Variants in AGAP1 observed in about 807,000 individuals in gnomAD.
AGAP1 encodes the protein arf-GAP with GTPase, ANK repeat and PH domain-containing protein 1.
In AGAP1, 29 loss-of-function variants were observed where a neutral mutation model predicts 105.3. The ratio of observed to expected loss-of-function variants is 0.28; its 90% CI spans 0.21 to 0.38. The LOEUF (loss-of-function observed/expected upper bound fraction) is 0.38. AGAP1 is among the 10% of genes least tolerant of loss of function. AGAP1 has a pLI of 1.00. For synonymous variants in AGAP1, 509 were observed against 485.9 expected, an observed-to-expected ratio of 1.05 and a Z score of -0.63; for missense variants, 998 against 1,165.1, an observed-to-expected ratio of 0.86 and a Z score of 2.09.
intron 1 of AGAP1, among the ~76,000 whole-genome samples, chr2:235,573,031 TTCTTCTTCTTCTTCTTCTTCTTC>T (rs1348946312): frequency 0.087 from 3,294 of 38,070 alleles, 368 homozygotes; most frequent in African/African-American, 0.18. Flanking sequence ...CTTCTTCTTC[TTCTTCTTCTTCTTCTTCTTCTTC>T]TTCTTCTTTC....
In AGAP1 at chr2:236,124,808, T is replaced by A. The variant is rs2059978337; in HGVS notation, c.*686T>A. The A allele has an allele frequency of 6.5e-6, 1 of 154,128 alleles. No individual in the cohort carries two copies. Among genetic ancestry groups the A allele is most frequent in the African/African-American group, 2.4e-5 (1 of 41,474 alleles). 9.5% of individuals were successfully genotyped at this position (154,128 alleles called of 1,614,324 possible). A position where few individuals can be genotyped will look rare whatever the true frequency, so the allele number is the denominator to read the frequency against. On this transcript the variant is annotated 3_prime_UTR_variant, in exon 18 of 18. Coordinates refer to ENST00000304032, the MANE Select transcript of AGAP1 (RefSeq NM_001037131.3). The surrounding 1 kb of genome is among the most constrained non-coding windows in gnomAD (Gnocchi z 5.1). ...CGGCACGCGCCGGTGATTGCCACGATGTGATTGCAATACTCTTAGAAGCAC... is the reference window on the plus strand; with the variant it reads ...CGGCACGCGCCGGTGATTGCCACGAAGTGATTGCAATACTCTTAGAAGCAC...
chr2:235,972,518 G>A (rs2054692255), intron 13 of AGAP1, among the ~76,000 whole-genome samples: 1 of 151,364 alleles, frequency 6.6e-6, no homozygotes, highest in African/African-American at 2.4e-5. Context: ...AACGGGGTGA[G>A]GAGAGGGCAA....
intron 1 of AGAP1, among the ~76,000 whole-genome samples, chr2:235,668,853 AC>A (rs1263555375): frequency 5.9e-5 from 9 of 152,108 alleles, no homozygotes; most frequent in Admixed American, 5.2e-4. Flanking sequence ...TTTTATTGGC[AC>A]CCCTGTTTTA....
intron 11 of AGAP1, among the ~76,000 whole-genome samples, chr2:235,916,769 A>T (rs2051905552): frequency 6.6e-6 from 1 of 152,260 alleles, no homozygotes; most frequent in Admixed American, 6.5e-5. Context: ...AGCAAGGAAG[A>T]GGGGAAAGAA....
In AGAP1 at chr2:235,872,477, A is replaced by T. The variant is rs926275214; in HGVS notation, c.1051-10868A>T. Among the ~76,000 whole-genome samples the T allele has an allele frequency of 1.3e-5, 2 of 151,988 alleles. No homozygotes were observed. Among genetic ancestry groups the T allele is most frequent in the African/African-American group, 2.4e-5 (1 of 41,366 alleles). On this transcript the variant is annotated intron_variant, in intron 9 of 17. Coordinates refer to ENST00000304032, the MANE Select transcript of AGAP1 (RefSeq NM_001037131.3). This position sits in a 1 kb window ranked among gnomAD's most constrained non-coding sequence, Gnocchi z 4.5. The stretch of plus-strand genomic sequence containing the variant: ...CCCTGGGTTATGCAGAATCAAAAAG[A>T]CTTAGGATCACAGGGGCCATTGGCA...
Position 235,746,377 on chromosome 2 carries a change from C to CTTTTTTTTTTTTTTTTTTTTT in AGAP1, c.538+1552_538+1572dup, listed in dbSNP as rs1172393048. Among the ~76,000 whole-genome samples, 27 of 55,564 alleles carry CTTTTTTTTTTTTTTTTTTTTT rather than the reference C, an allele frequency of 4.9e-4. 6 individuals are homozygous for CTTTTTTTTTTTTTTTTTTTTT. The highest frequency in any genetic ancestry group is 7.0e-4 in the Non-Finnish European group (23 of 32,922). 36.5% of individuals were successfully genotyped at this position (55,564 alleles called of 152,430 possible). On this transcript the variant is annotated intron_variant, in intron 5 of 17. Coordinates refer to ENST00000304032, the MANE Select transcript of AGAP1 (RefSeq NM_001037131.3). ...GCTTCCTGGAGAGCACCTCCCCCAA[C>CTTTTTTTTTTTTTTTTTTTTT]TTTTTTTTTTTTTTTTTTTTTTTTT...
rs983681018 is a variant in AGAP1 at position 235,845,363 on chromosome 2, G to A, written c.1051-37982G>A. Among the ~76,000 whole-genome samples the A allele has an allele frequency of 6.6e-6, 1 of 152,200 alleles. No individual in the cohort carries two copies. The highest frequency in any genetic ancestry group is 6.5e-5 in the Admixed American group (1 of 15,292). On this transcript the variant is annotated intron_variant, in intron 9 of 17. Transcript: ENST00000304032. This position sits in a 1 kb window ranked among gnomAD's most constrained non-coding sequence, Gnocchi z 4.8. ...CAGAGCAAAATCCAACACCATGCTG[G>A]CTTCTGGGAGTGCAGATTTTGCAGA... is the stretch of plus-strand genomic sequence containing the variant.
chr2:236,100,912 A>G (rs1024845107), intron 16 of AGAP1, among the ~76,000 whole-genome samples: 1 of 151,916 alleles, frequency 6.6e-6, no homozygotes, highest in Non-Finnish European at 1.5e-5. Context: ...AACGCCATCC[A>G]GTCTGTAATA....
chr2:235,548,648 C>T (rs1298786898), intron 1 of AGAP1, among the ~76,000 whole-genome samples: 2 of 89,964 alleles, frequency 2.2e-5, no homozygotes, highest in Non-Finnish European at 4.4e-5. Context: ...TGCGAAACTC[C>T]GTCTTCAAAA....
chr2:235,888,734 G>C lies in AGAP1; in HGVS notation c.1155+5285G>C, dbSNP rs1458882117. Among the ~76,000 whole-genome samples, 2 of 151,862 alleles carry C rather than the reference G, an allele frequency of 1.3e-5. No individual in the cohort carries two copies. The highest frequency in any genetic ancestry group is 1.9e-4 in the East Asian group (1 of 5,172). The stretch of plus-strand genomic sequence containing the variant: ...AAAAAAAAAAAAGTTGATAGAGGCA[G>C]GTACAGCATTTGTTGCTGTCGGGTA... On this transcript the variant is annotated intron_variant, in intron 10 of 17. Coordinates refer to ENST00000304032, the MANE Select transcript of AGAP1 (RefSeq NM_001037131.3). This position sits in a 1 kb window ranked among gnomAD's most constrained non-coding sequence, Gnocchi z 4.8.
At chr2:235,726,824 A>C (rs1312341542) in intron 3 of AGAP1, among the ~76,000 whole-genome samples, 1 of 151,832 alleles carries the variant, frequency 6.6e-6, no homozygotes, top group African/African-American at 2.4e-5. Context: ...CCAGTGGTGA[A>C]TTATTAACTT....
intron 1 of AGAP1, among the ~76,000 whole-genome samples, chr2:235,560,301 C>T (rs1435897103): frequency 6.6e-6 from 1 of 151,932 alleles, no homozygotes; most frequent in East Asian, 1.9e-4. Flanking sequence ...TTGATTTTCT[C>T]TTCTTTCTTT....
At chr2:235,671,694 C>T (rs1948440896) in intron 1 of AGAP1, among the ~76,000 whole-genome samples, 1 of 152,182 alleles carries the variant, frequency 6.6e-6, no homozygotes, top group Admixed American at 6.5e-5. Flanking sequence ...GAGTCTGGGA[C>T]TGGATTCTGT....
At chr2:235,670,477 CGAG>C (rs1948335391) in intron 1 of AGAP1, 2 of 520,136 alleles carry the variant, frequency 3.8e-6, no homozygotes, top group Non-Finnish European at 6.8e-6. Flanking sequence ...GCGCCCCGGC[CGAG>C]GAGGAGGGAC....
chr2:236,120,405 C>T lies in AGAP1; in HGVS notation c.2328C>T (p.Ala776=). 6.2e-7 allele frequency: 1 copy of T among 1,611,522 alleles called. No individual in the cohort carries two copies. Among genetic ancestry groups the T allele is most frequent in the Non-Finnish European group, 8.5e-7 (1 of 1,179,794 alleles). ...EGDGRTALHL[A]CRKGNVVLAQ... is the part of the protein sequence containing the mutation. ...ACGGCCGCACGGCGCTGCATCTGGC[C>T]TGCCGCAAGGGGAATGTGGTCCTGG... The change falls in exon 17 of 18, where the codon GCC becomes GCT. Residue 776 remains alanine, a synonymous_variant. Transcript: ENST00000304032. This position sits in a 1 kb window ranked among gnomAD's most constrained non-coding sequence, Gnocchi z 6.0.
At chr2:235,509,849 C>T (rs1027275821) in intron 1 of AGAP1, among the ~76,000 whole-genome samples, 3 of 152,152 alleles carry the variant, frequency 2.0e-5, no homozygotes, top group Non-Finnish European at 2.9e-5. Context: ...AGGTGAGTGA[C>T]GGGCCAGCAA....
Position 236,127,836 on chromosome 2 carries a change from C to T in AGAP1, c.*3714C>T, listed in dbSNP as rs778614593. On this transcript the variant is annotated 3_prime_UTR_variant, in exon 18 of 18. Coordinates refer to ENST00000304032, the MANE Select transcript of AGAP1 (RefSeq NM_001037131.3). This position sits in a 1 kb window ranked among gnomAD's most constrained non-coding sequence, Gnocchi z 6.6. ...TCCTCTGCAACTCTAGGCAAGCACCCAGCTTCCTGGGCTCTTTTTCCTCAT... is the reference window on the plus strand; with the variant it reads ...TCCTCTGCAACTCTAGGCAAGCACCTAGCTTCCTGGGCTCTTTTTCCTCAT... 1 of 152,280 alleles carries T rather than the reference C, an allele frequency of 6.6e-6. No individual in the cohort carries two copies. Among genetic ancestry groups the T allele is most frequent in the Non-Finnish European group, 1.5e-5 (1 of 68,076 alleles). 9.4% of individuals were successfully genotyped at this position (152,280 alleles called of 1,614,324 possible). A position where few individuals can be genotyped will look rare whatever the true frequency, so the allele number is the denominator to read the frequency against.
At position 235,566,690 on chromosome 2, in the gene AGAP1, A is replaced by T. The variant is rs958972089; in HGVS notation, c.163+71841A>T. ...GGGACCGGGGAGAGGCTGTTCGAGG[A>T]ACACAGGATGCATATTCAGGCAGGA... On this transcript the variant is annotated intron_variant, in intron 1 of 17. Coordinates refer to ENST00000304032, the MANE Select transcript of AGAP1 (RefSeq NM_001037131.3). The surrounding 1 kb of genome is among the most constrained non-coding windows in gnomAD (Gnocchi z 5.2). The T allele has an allele frequency of 3.8e-6, 3 of 784,672 alleles. No homozygotes were observed. The African/African-American group carries it at 5.6e-5, about 15-fold the overall frequency. 48.6% of individuals were successfully genotyped at this position (784,672 alleles called of 1,614,324 possible).
intron 13 of AGAP1, among the ~76,000 whole-genome samples, chr2:236,016,018 C>T (rs370776047): frequency 6.2e-5 from 9 of 145,550 alleles, no homozygotes; most frequent in African/African-American, 1.1e-4. Context: ...TGCCGCTGAA[C>T]GCCCTGCTCT....
Sources: allele counts gnomAD v4.1 joint callset (sites outside exome capture counted in the v4.1 genomes callset), GRCh38; gene constraint gnomAD v4.1.1; non-coding constraint Gnocchi (gnomAD v3.1); transcripts MANE v1.5; gene names NCBI Gene and HGNC (gene_info 2026-07-23, HGNC 2026-07-21).